Variants in FCRL5 observed in about 807,000 individuals in gnomAD.
The protein encoded by FCRL5 is Fc receptor-like protein 5.
A neutral mutation model predicts 92.1 loss-of-function variants in FCRL5; 79 were observed. The observed-to-expected ratio is 0.86, with a 90% CI of 0.72 to 1.03. The LOEUF (loss-of-function observed/expected upper bound fraction) is 1.03. FCRL5 is among the 50% of genes least tolerant of loss of function. The probability of loss-of-function intolerance (pLI) is 0.00; values close to 1 mark genes in which losing one functional copy is unlikely to be tolerated. For missense variants in FCRL5, 1,160 were observed against 1,181.1 expected, an observed-to-expected ratio of 0.98 and a Z score of 0.26; for synonymous variants, 466 against 469.3, an observed-to-expected ratio of 0.99 and a Z score of 0.09.
rs144625478 is a variant in FCRL5 at position 157,529,067 on chromosome 1, A to C, written c.1682-1172T>G. Among the ~76,000 whole-genome samples, 541 of 152,374 alleles carry C rather than the reference A, an allele frequency of 3.6e-3. 5 individuals are homozygous for C. The highest frequency in any genetic ancestry group is 0.013 in the African/African-American group (523 of 41,582). On this transcript the variant is annotated intron_variant, in intron 8 of 16. Coordinates refer to ENST00000361835, the MANE Select transcript of FCRL5 (RefSeq NM_031281.3). ...AATATTCACAGACTATGCATCTGAC[A>C]TGGGACCAGTATCCAGAATCAACAA...
chr1:157,549,666 T>A, intron 1 of FCRL5, 86 bp from the exon 2 acceptor site: 1 of 1,177,912 alleles, frequency 8.5e-7, no homozygotes, highest in Non-Finnish European at 1.2e-6. Context: ...CCCATGCATG[T>A]ATTACTTGTC....
intron 8 of FCRL5, 123 bp downstream of exon 8, chr1:157,534,491 G>A (rs1426775008): frequency 1.7e-6 from 2 of 1,188,440 alleles, no homozygotes; most frequent in African/African-American, 1.5e-5. Flanking sequence ...AGTTGAGGAG[G>A]AAGCCAAGAA....
intron 8 of FCRL5, chr1:157,532,078 G>C (rs1270845099): frequency 6.6e-6 from 1 of 152,104 alleles, no homozygotes; most frequent in East Asian, 1.9e-4. Context: ...ATCAAACTGT[G>C]CTTCCATAAA....
intron 5 of FCRL5, 53 bp from the exon 6 acceptor site, chr1:157,543,190 T>C (rs1253573581): frequency 1.3e-6 from 2 of 1,562,006 alleles, no homozygotes; most frequent in Admixed American, 1.8e-5. Context: ...TACTGTAGAT[T>C]ACAAGGCATG....
intron 7 of FCRL5, among the ~76,000 whole-genome samples, chr1:157,538,124 A>T (rs1651059816): frequency 6.6e-6 from 1 of 152,150 alleles, no homozygotes; most frequent in Non-Finnish European, 1.5e-5. Context: ...TTTGATCATG[A>T]TGTCCCTGTC....
In FCRL5 at chr1:157,513,993, C is replaced by G. The variant is rs74118649; in HGVS notation, c.*1682G>C. On this transcript the variant is annotated 3_prime_UTR_variant, in exon 17 of 17. Coordinates refer to ENST00000361835, the MANE Select transcript of FCRL5 (RefSeq NM_031281.3). ...TGATGACAAATGCCTCCAGCCTTGT[C>G]CTCTGCAAGGCTGCACTGGGCTGCA... 0.041 allele frequency: 6,202 copies of G among 152,282 alleles called. 435 individuals carry two copies. Among genetic ancestry groups the G allele is most frequent in the African/African-American group, 0.14 (5,933 of 41,548 alleles). The allele number at this position is 152,282 out of a possible 1,614,324, so 9.4% of individuals were successfully genotyped here. A position where few individuals can be genotyped will look rare whatever the true frequency, so the allele number is the denominator to read the frequency against.
At chr1:157,540,142 G>A (rs1571102710) in intron 6 of FCRL5, among the ~76,000 whole-genome samples, 1 of 152,290 alleles carries the variant, frequency 6.6e-6, no homozygotes, top group East Asian at 1.9e-4. Context: ...CCTGCAGGGT[G>A]ACCCAGCCAC....
chr1:157,522,674 C>T (rs1411725982), intron 10 of FCRL5: 1 of 152,152 alleles, frequency 6.6e-6, no homozygotes, highest in Non-Finnish European at 1.5e-5. Flanking sequence ...TCTCTATGAC[C>T]TGGGTCCTAG....
intron 1 of FCRL5, among the ~76,000 whole-genome samples, chr1:157,550,191 A>G (rs768392400): frequency 1.3e-5 from 2 of 152,196 alleles, no homozygotes; most frequent in Non-Finnish European, 2.9e-5. Flanking sequence ...AGACCAGAGA[A>G]GCATGCAGGG....
chr1:157,541,069 G>A (rs758968191), intron 6 of FCRL5, among the ~76,000 whole-genome samples: 34 of 152,174 alleles, frequency 2.2e-4, no homozygotes, highest in Non-Finnish European at 2.1e-4. Context: ...TTCACTGGAT[G>A]TGACTCAGTT....
intron 9 of FCRL5, 63 bp downstream of exon 9, chr1:157,527,554 G>A (rs2101610009): frequency 2.0e-6 from 3 of 1,465,264 alleles, no homozygotes; most frequent in South Asian, 2.9e-5. Flanking sequence ...TCTGATCTTG[G>A]CTACTGGTAA....
intron 6 of FCRL5, chr1:157,542,355 A>G (rs1035435876): frequency 2.6e-5 from 4 of 154,210 alleles, no homozygotes; most frequent in African/African-American, 9.6e-5. Flanking sequence ...TTTCTTACCT[A>G]CTGCCCATCA....
chr1:157,524,218 T>A, intron 10 of FCRL5, 61 bp downstream of exon 10: 1 of 1,582,564 alleles, frequency 6.3e-7, no homozygotes, highest in Non-Finnish European at 8.6e-7. Context: ...CATTTTCAGC[T>A]GCAGGGAGAA....
At chr1:157,534,929 G>T (rs973338960) in intron 7 of FCRL5, 37 bp from the exon 8 acceptor site, 3 of 1,512,138 alleles carry the variant, frequency 2.0e-6, no homozygotes, top group African/African-American at 2.8e-5. Context: ...AGTTGCTTTT[G>T]CCTCTTACTG....
Position 157,542,886 on chromosome 1 carries a change from T to C in FCRL5, c.1096A>G (p.Ser366Gly). The change falls in exon 6 of 17, where the codon AGT becomes GGT. Residue 366 changes from serine (S) to glycine (G), a missense_variant. Transcript: ENST00000361835. ...GTGACTGAGAGGCTCACAGCCTTAC[T>C]GGGCTTGGCGCCAAGGCCATTGTCA... is the stretch of plus-strand genomic sequence containing the variant. Reference protein sequence around the residue: ...TADNGLGAKPSKAVSLSVTVP... With the variant: ...TADNGLGAKPGKAVSLSVTVP... The C allele has an allele frequency of 6.2e-7, 1 of 1,613,542 alleles. No homozygotes were observed. The highest frequency in any genetic ancestry group is 8.5e-7 in the Non-Finnish European group (1 of 1,179,960).
intron 9 of FCRL5, among the ~76,000 whole-genome samples, chr1:157,527,080 A>G (rs1650463005): frequency 6.6e-6 from 1 of 152,178 alleles, no homozygotes; most frequent in Admixed American, 6.5e-5. Flanking sequence ...GATGCATGGA[A>G]GATCTTGATG....
intron 15 of FCRL5, among the ~76,000 whole-genome samples, chr1:157,517,858 G>A (rs1308858915): frequency 6.6e-6 from 1 of 152,158 alleles, no homozygotes; most frequent in Non-Finnish European, 1.5e-5. Context: ...GATGGCATTT[G>A]GAGGTGGAGC....
In FCRL5 at chr1:157,527,599, C is replaced by A; in HGVS notation, c.1960+18G>T. 1 of 1,557,718 alleles carries A rather than the reference C, an allele frequency of 6.4e-7. No homozygotes were observed. The highest frequency in any genetic ancestry group is 8.7e-7 in the Non-Finnish European group (1 of 1,152,178). On this transcript the variant is annotated intron_variant, in intron 9 of 16. Coordinates refer to ENST00000361835, the MANE Select transcript of FCRL5 (RefSeq NM_031281.3). ...AGATGGTCTTTTTATTTTTGTGCTG[C>A]TGGTTAGGTCAACTTACCTATAACA...
intron 10 of FCRL5, chr1:157,522,059 G>A (rs1650222810): frequency 6.6e-6 from 1 of 152,164 alleles, no homozygotes; most frequent in African/African-American, 2.4e-5. Context: ...GTTAAAAAAT[G>A]CAACTGGCAT....
Sources: allele counts gnomAD v4.1 joint callset (sites outside exome capture counted in the v4.1 genomes callset), GRCh38; gene constraint gnomAD v4.1.1; transcripts MANE v1.5; gene names NCBI Gene and HGNC (gene_info 2026-07-23, HGNC 2026-07-21).